MYOM3: variants seen among roughly 807,000 people sequenced by gnomAD.
The protein encoded by MYOM3 is myomesin-3.
A neutral mutation model predicts 191.7 loss-of-function variants in MYOM3; 155 were observed. The ratio of observed to expected loss-of-function variants is 0.81; its 90% CI spans 0.71 to 0.92. The LOEUF is 0.92. MYOM3 is among the 40% of genes least tolerant of loss of function. The pLI is 0.00. For synonymous variants in MYOM3, 757 were observed against 762.9 expected, an observed-to-expected ratio of 0.99 and a Z score of 0.13; for missense variants, 1,889 against 1,890.6, an observed-to-expected ratio of 1.00 and a Z score of 0.02.
intron 7 of MYOM3, among the ~76,000 whole-genome samples, chr1:24,097,705 C>A (rs1003668777): frequency 3.9e-5 from 6 of 152,240 alleles, no homozygotes; most frequent in Admixed American, 6.5e-5. Flanking sequence ...GCCTCACTCA[C>A]CTTCCACCAT....
At chr1:24,062,893 T>A (rs544913971) in intron 32 of MYOM3, among the ~76,000 whole-genome samples, 1 of 152,160 alleles carries the variant, frequency 6.6e-6, no homozygotes, top group Non-Finnish European at 1.5e-5. Context: ...TCCCTGGGGA[T>A]CTCGGCAAAG....
At chr1:24,105,389 T>G (rs1465535899) in intron 5 of MYOM3, among the ~76,000 whole-genome samples, 3 of 152,204 alleles carry the variant, frequency 2.0e-5, no homozygotes, top group African/African-American at 7.2e-5. Context: ...TCCTTCTCCG[T>G]AGGCCCTTCC....
At chr1:24,095,075 A>T (rs1161752498) in intron 8 of MYOM3, 85 bp from the exon 9 acceptor site, 27 of 1,431,184 alleles carry the variant, frequency 1.9e-5, no homozygotes, top group Non-Finnish European at 2.6e-5. Context: ...TTTCTGGGGC[A>T]TCCCTTCTCT....
chr1:24,089,143 C>T (rs1643782031), intron 14 of MYOM3, among the ~76,000 whole-genome samples: 1 of 152,142 alleles, frequency 6.6e-6, no homozygotes, highest in Non-Finnish European at 1.5e-5. Context: ...GGTGCCTGTC[C>T]CTGGCTGGAG....
chr1:24,059,729 C>T (rs1643345494), intron 35 of MYOM3, among the ~76,000 whole-genome samples: 1 of 152,214 alleles, frequency 6.6e-6, no homozygotes, highest in Non-Finnish European at 1.5e-5. Context: ...TGAACCTGGT[C>T]AAGCGAGGGA....
chr1:24,068,177 G>A (rs544642604), intron 26 of MYOM3, 46 bp downstream of exon 26: 2 of 1,551,462 alleles, frequency 1.3e-6, no homozygotes, highest in African/African-American at 1.4e-5. Flanking sequence ...GGTGTGCGGG[G>A]CAGGGCGGGG....
chr1:24,061,192 C>G, intron 34 of MYOM3, 81 bp downstream of exon 34: 1 of 1,604,574 alleles, frequency 6.2e-7, no homozygotes, highest in Admixed American at 1.7e-5. Flanking sequence ...CTGGGGCTCC[C>G]AGGAAGGAGT....
chr1:24,085,006 C>T (rs1256297310), intron 15 of MYOM3, among the ~76,000 whole-genome samples: 1 of 152,180 alleles, frequency 6.6e-6, no homozygotes, highest in Non-Finnish European at 1.5e-5. Context: ...ATTTTCATGG[C>T]TCCCTGAAAC....
intron 17 of MYOM3, 146 bp downstream of exon 17, chr1:24,082,446 AG>A: frequency 8.5e-7 from 1 of 1,171,670 alleles, no homozygotes; most frequent in Non-Finnish European, 1.1e-6. Context: ...CCCAAAGGAA[AG>A]GGCAGCCAGG....
Position 24,093,080 on chromosome 1 carries a change from C to A in MYOM3, c.957G>T (p.Arg319=). 1.2e-6 allele frequency: 2 copies of A among 1,611,534 alleles called. No individual in the cohort carries two copies. ...CCTGGCGGTCTGTGTAGAGGATCTT[C>A]CGACGTCTCGAGGACCTCAGTAGGC... The part of the protein sequence containing the change: ...DGSLLRSSRR[R]KILYTDRQAS... The change falls in exon 10 of 37, where the codon CGG becomes CGT. Residue 319 remains arginine, a synonymous_variant. Coordinates refer to ENST00000374434, the MANE Select transcript of MYOM3 (RefSeq NM_152372.4).
intron 34 of MYOM3, 82 bp downstream of exon 34, chr1:24,061,191 C>T: frequency 1.9e-6 from 3 of 1,605,384 alleles, no homozygotes; most frequent in Non-Finnish European, 2.6e-6. Context: ...GCTGGGGCTC[C>T]CAGGAAGGAG....
rs150971654 is a variant in MYOM3 at position 24,108,315 on chromosome 1, G to A, written c.161+161C>T. ...CTTCCATCACATGGGGGTCTCCAGA[G>A]AGCCAATTGTGTCTCCCCCCTCAGA... On this transcript the variant is annotated intron_variant, in intron 2 of 36. Transcript: ENST00000374434. 248 of 843,180 alleles carry A rather than the reference G, an allele frequency of 2.9e-4. 5 individuals carry two copies. The East Asian group carries it at 7.0e-3, about 24-fold the overall frequency. 52.2% of individuals were successfully genotyped at this position (843,180 alleles called of 1,614,324 possible). A position where few individuals can be genotyped will look rare whatever the true frequency, so the allele number is the denominator to read the frequency against.
rs748211420 is a variant in MYOM3 at position 24,090,812 on chromosome 1, C to T, written c.1417G>A (p.Ala473Thr). The change falls in exon 12 of 37, where the codon GCC (alanine) becomes ACC (threonine). Residue 473 changes from alanine (A) to threonine (T), a missense_variant. Transcript: ENST00000374434. ...ELVVMGDHDAARRKTEIPFDL... is the reference protein window; with the variant it reads ...ELVVMGDHDATRRKTEIPFDL... The stretch of plus-strand genomic sequence containing the variant: ...CTGTACCCACCTGTCTTCCTCCGGG[C>T]TGCATCATGGTCACCCATGACAACC... 3.1e-6 allele frequency: 5 copies of T among 1,614,024 alleles called. No homozygotes were observed. The highest frequency in any genetic ancestry group is 4.2e-6 in the Non-Finnish European group (5 of 1,180,026).
At chr1:24,068,967 G>T (rs1355140621) in intron 25 of MYOM3, among the ~76,000 whole-genome samples, 2 of 152,014 alleles carry the variant, frequency 1.3e-5, no homozygotes, top group Non-Finnish European at 2.9e-5. Flanking sequence ...CAAGTGATCT[G>T]CCTGCCTCGG....
At chr1:24,064,832 G>A (rs1393074125) in intron 29 of MYOM3, among the ~76,000 whole-genome samples, 4 of 152,252 alleles carry the variant, frequency 2.6e-5, no homozygotes, top group Non-Finnish European at 5.9e-5. Context: ...TTAACCTGAG[G>A]ATTGAGGTGC....
Position 24,094,982 on chromosome 1 carries a change from A to T in MYOM3, c.799T>A (p.Phe267Ile). 6.2e-7 allele frequency: 1 copy of T among 1,613,550 alleles called. No homozygotes were observed. The highest frequency in any genetic ancestry group is 8.5e-7 in the Non-Finnish European group (1 of 1,179,770). ...GAGGTGAATTCCACGCTGGGGCCAAACGTCGATCCTGGCGTGGGAATGAAA... is the reference window on the plus strand; with the variant it reads ...GAGGTGAATTCCACGCTGGGGCCAATCGTCGATCCTGGCGTGGGAATGAAA... Reference protein sequence around the residue: ...FDSEIFKRSTFGPSVEFTSVL... With the variant: ...FDSEIFKRSTIGPSVEFTSVL... Residue 267 changes from phenylalanine (F) to isoleucine (I), a missense_variant, in exon 9 of 37, where the codon TTT (phenylalanine) becomes ATT (isoleucine). By Grantham distance (21) the Phe-to-Ile change is conservative. Coordinates refer to ENST00000374434, the MANE Select transcript of MYOM3 (RefSeq NM_152372.4).
At chr1:24,079,139 C>T (rs1643636818) in intron 20 of MYOM3, among the ~76,000 whole-genome samples, 1 of 152,092 alleles carries the variant, frequency 6.6e-6, no homozygotes, top group African/African-American at 2.4e-5. Context: ...CTGTATTCTG[C>T]TTTGTTTTTC....
chr1:24,059,113 GA>G (rs1209664566), intron 35 of MYOM3, 134 bp from the exon 36 acceptor site: 1 of 678,088 alleles, frequency 1.5e-6, no homozygotes, highest in African/African-American at 1.8e-5. Flanking sequence ...ATTTTGGATG[GA>G]AATCTTTTTT....
intron 7 of MYOM3, among the ~76,000 whole-genome samples, chr1:24,096,403 C>T (rs895179398): frequency 3.0e-4 from 45 of 152,158 alleles, no homozygotes; most frequent in African/African-American, 1.0e-3. Flanking sequence ...AGTTGCCAGC[C>T]TTGATGGAGA....
Sources: allele counts gnomAD v4.1 joint callset (sites outside exome capture counted in the v4.1 genomes callset), GRCh38; gene constraint gnomAD v4.1.1; transcripts MANE v1.5; gene names NCBI Gene and HGNC (gene_info 2026-07-23, HGNC 2026-07-21).